BEND4: variants seen among roughly 807,000 people sequenced by gnomAD.
BEND4 encodes BEN domain containing 4.
Under a neutral mutation model 54.7 loss-of-function variants are expected in BEND4, and 27 were observed. The observed-to-expected ratio is 0.49, with a 90% confidence interval of 0.36 to 0.68. The LOEUF (loss-of-function observed/expected upper bound fraction) is 0.68. BEND4 is among the 30% of genes least tolerant of loss of function. BEND4 has a pLI of 0.00. For synonymous variants in BEND4, 327 were observed against 299.5 expected (o/e 1.09, Z -0.95); for missense variants, 702 against 697.2 (o/e 1.01, Z -0.08).
intron 2 of BEND4, among the ~76,000 whole-genome samples, chr4:42,150,304 A>G (rs1374221387): frequency 1.3e-5 from 2 of 152,132 alleles, no homozygotes; most frequent in Non-Finnish European, 2.9e-5. Context: ...CAACTGAAAA[A>G]AAACATACCC....
At chr4:42,123,594 G>C (rs759752347) in intron 4 of BEND4, among the ~76,000 whole-genome samples, 1 of 150,058 alleles carries the variant, frequency 6.7e-6, no homozygotes, top group Non-Finnish European at 1.5e-5. Flanking sequence ...GCTTTTCAGC[G>C]GTGCTTTTTA....
intron 2 of BEND4, among the ~76,000 whole-genome samples, chr4:42,150,736 G>C (rs1054555313): frequency 6.6e-6 from 1 of 152,246 alleles, no homozygotes; most frequent in African/African-American, 2.4e-5. Flanking sequence ...CAGGCAGGCA[G>C]TGGGCTGCTT....
At chr4:42,143,187 G>T (rs760055644) in intron 3 of BEND4, among the ~76,000 whole-genome samples, 1 of 152,118 alleles carries the variant, frequency 6.6e-6, no homozygotes, top group Admixed American at 6.5e-5. Context: ...ACAAGAACAC[G>T]GTGGCTGGAA....
chr4:42,138,539 C>A lies in BEND4; in HGVS notation c.1054+4889G>T, dbSNP rs757211177. 2.0e-5 allele frequency among the ~76,000 whole-genome samples: 3 copies of A among 152,044 alleles called. No individual in the cohort carries two copies. The South Asian group carries it at 6.2e-4, about 32-fold the overall frequency. The stretch of plus-strand genomic sequence containing the variant: ...AGGAATACACGTGACAAATTTGTAC[C>A]GTACTTGAGATTAAGGCTATCGAAC... On this transcript the variant is annotated intron_variant, in intron 3 of 5. Coordinates refer to ENST00000502486, the MANE Select transcript of BEND4 (RefSeq NM_207406.4).
chr4:42,146,334 TA>T (rs1212129350), intron 2 of BEND4, among the ~76,000 whole-genome samples: 1 of 152,234 alleles, frequency 6.6e-6, no homozygotes, highest in Non-Finnish European at 1.5e-5. Context: ...GGGTTGGTTG[TA>T]AATTCCAAAC....
chr4:42,145,058 A>T (rs1457771205), intron 2 of BEND4, among the ~76,000 whole-genome samples: 1 of 152,222 alleles, frequency 6.6e-6, no homozygotes, highest in Admixed American at 6.5e-5. Context: ...TCTAGATTGT[A>T]GATGCCTATA....
intron 3 of BEND4, among the ~76,000 whole-genome samples, chr4:42,133,353 T>C (rs1285037335): frequency 6.6e-6 from 1 of 152,200 alleles, no homozygotes; most frequent in Non-Finnish European, 1.5e-5. Flanking sequence ...CCAGGGATGT[T>C]ATTTAAAGCC....
chr4:42,123,504 G>T (rs1720141091), intron 4 of BEND4, among the ~76,000 whole-genome samples: 1 of 151,886 alleles, frequency 6.6e-6, no homozygotes, highest in South Asian at 2.1e-4. Context: ...AAGGAAACTA[G>T]TTCTGAATTA....
chr4:42,150,519 C>A (rs1280487381), intron 2 of BEND4, among the ~76,000 whole-genome samples: 1 of 152,236 alleles, frequency 6.6e-6, no homozygotes, highest in African/African-American at 2.4e-5. Flanking sequence ...CACAACACTT[C>A]TATTTTCCAC....
chr4:42,120,148 T>G lies in BEND4; in HGVS notation c.1293A>C (p.Ser431=). ...ACCTTTTCCTTTTCCCAAGGCCGCA[T>G]GAGTACTTAAGCTCATCGGTTGTGA... ...FVFTTDELKY[S]CGLGKRKRSV... is the part of the protein sequence containing the mutation. The change falls in exon 5 of 6, where the codon TCA becomes TCC. Residue 431 remains serine, a synonymous_variant. Coordinates refer to ENST00000502486, the MANE Select transcript of BEND4 (RefSeq NM_207406.4). 6.2e-7 allele frequency: 1 copy of G among 1,614,026 alleles called. No homozygotes were observed. The highest frequency in any genetic ancestry group is 1.3e-5 in the African/African-American group (1 of 75,044).
rs557135038 is a variant in BEND4 at position 42,150,160 on chromosome 4, A to C, written c.487+1497T>G. ...ACAAGAAGTAGTTTAGGAGAAAATAAGATCTCAAGCCAGAAAGAAAGAAAA... is the reference window on the plus strand; with the variant it reads ...ACAAGAAGTAGTTTAGGAGAAAATACGATCTCAAGCCAGAAAGAAAGAAAA... On this transcript the variant is annotated intron_variant, in intron 2 of 5. Transcript: ENST00000502486. 2.6e-5 allele frequency among the ~76,000 whole-genome samples: 4 copies of C among 152,342 alleles called. No homozygotes were observed. In the South Asian group the frequency reaches 8.3e-4, roughly 32 times the overall value.
At chr4:42,141,471 C>A (rs1168195857) in intron 3 of BEND4, among the ~76,000 whole-genome samples, 2 of 152,198 alleles carry the variant, frequency 1.3e-5, no homozygotes, top group Non-Finnish European at 2.9e-5. Context: ...GTGGCTAATG[C>A]CTGTAGTCCC....
chr4:42,125,522 G>A, intron 4 of BEND4, 61 bp downstream of exon 4: 1 of 1,311,908 alleles, frequency 7.6e-7, no homozygotes, highest in Non-Finnish European at 1.1e-6. Flanking sequence ...ACACTGATAA[G>A]TTAATCAAGA....
intron 2 of BEND4, 70 bp from the exon 3 acceptor site, chr4:42,144,064 T>C: frequency 9.3e-7 from 1 of 1,078,440 alleles, no homozygotes; most frequent in Non-Finnish European, 1.4e-6. Context: ...TCCTCAATTT[T>C]CAGCTTAACA....
intron 2 of BEND4, 36 bp from the exon 3 acceptor site, chr4:42,144,030 G>T: frequency 6.8e-7 from 1 of 1,470,980 alleles, no homozygotes; most frequent in Non-Finnish European, 9.4e-7. Flanking sequence ...GTGACCAACA[G>T]CCAACGGCAA....
intron 3 of BEND4, among the ~76,000 whole-genome samples, chr4:42,137,908 A>G (rs1720747915): frequency 6.6e-6 from 1 of 152,212 alleles, no homozygotes; most frequent in African/African-American, 2.4e-5. Flanking sequence ...ACTTGACACC[A>G]GTTAGGATGG....
intron 2 of BEND4, among the ~76,000 whole-genome samples, chr4:42,148,811 G>C (rs1721161059): frequency 6.6e-6 from 1 of 152,098 alleles, no homozygotes; most frequent in South Asian, 2.1e-4. Flanking sequence ...ATTTCCTAAT[G>C]CCAAATTTAG....
At position 42,114,228 on chromosome 4, in the gene BEND4, T is replaced by C. The variant is rs562528516; in HGVS notation, c.*3290A>G. The stretch of plus-strand genomic sequence containing the variant: ...ACCTACACTATCCAATACATATCAT[T>C]TGAGGGTCATCCTGAGCCTGGCTGG... On this transcript the variant is annotated 3_prime_UTR_variant, in exon 6 of 6. Transcript: ENST00000502486. 1 of 152,316 alleles carries C rather than the reference T, an allele frequency of 6.6e-6. No individual in the cohort carries two copies. The highest frequency in any genetic ancestry group is 2.1e-4 in the South Asian group (1 of 4,828). The allele number at this position is 152,316 out of a possible 1,614,324, so 9.4% of individuals were successfully genotyped here.
chr4:42,122,417 A>G (rs1720100044), intron 4 of BEND4, among the ~76,000 whole-genome samples: 1 of 152,216 alleles, frequency 6.6e-6, no homozygotes, highest in Non-Finnish European at 1.5e-5. Flanking sequence ...GGTGGAGTAC[A>G]GCTCCTCACA....
Sources: gnomAD v4.1 joint callset for allele counts (sites outside exome capture counted in the v4.1 genomes callset) on GRCh38, gnomAD v4.1.1 for gene constraint, MANE v1.5 for transcripts, NCBI Gene and HGNC (gene_info 2026-07-23, HGNC 2026-07-21) for gene names.